CPM: variants seen among roughly 807,000 people sequenced by gnomAD.
CPM encodes the protein renal carboxypeptidase.
CPM carries 35 observed loss-of-function variants against 46.4 expected under a neutral mutation model. The ratio of observed to expected loss-of-function variants is 0.75; its 90% confidence interval spans 0.58 to 1.00. The LOEUF (loss-of-function observed/expected upper bound fraction) is 1.00, where lower values mean the gene tolerates loss of function less well. Among genes scored for constraint, CPM ranks in the 50% least tolerant of loss-of-function variants. The probability of loss-of-function intolerance (pLI) is 0.00; values close to 1 mark genes in which losing one functional copy is unlikely to be tolerated. For missense variants in CPM, 422 were observed against 530.4 expected, an observed-to-expected ratio of 0.80 and a Z score of 2.01; for synonymous variants, 195 against 195.3, an observed-to-expected ratio of 1.00 and a Z score of 0.01.
intron 7 of CPM, among the ~76,000 whole-genome samples, chr12:68,861,647 G>A (rs1247186049): frequency 1.3e-5 from 2 of 151,622 alleles, no homozygotes; most frequent in Non-Finnish European, 2.9e-5. Flanking sequence ...TCCTGCCTCA[G>A]CCTCCTAAGT....
chr12:68,923,216 T>C (rs146095183), intron 2 of CPM, among the ~76,000 whole-genome samples: 1,927 of 140,708 alleles, frequency 0.014, 22 homozygotes, highest in Middle Eastern at 0.03. Flanking sequence ...TGTGTGTGTT[T>C]TGAGTAATTT....
At chr12:68,910,625 C>T (rs1268259732) in intron 2 of CPM, among the ~76,000 whole-genome samples, 1 of 152,122 alleles carries the variant, frequency 6.6e-6, no homozygotes, top group Non-Finnish European at 1.5e-5. Flanking sequence ...GTATACAAGT[C>T]ACTAGTTTCT....
chr12:68,932,656 G>A (rs1380474227), intron 2 of CPM, 22 bp downstream of exon 2: 3 of 1,611,932 alleles, frequency 1.9e-6, no homozygotes, highest in East Asian at 4.5e-5. Flanking sequence ...GTTTGGCAAA[G>A]TGTTCACGAG....
At chr12:68,938,410 A>G (rs565656898) in intron 1 of CPM, among the ~76,000 whole-genome samples, 15 of 151,438 alleles carry the variant, frequency 9.9e-5, no homozygotes, top group Admixed American at 5.3e-4. Context: ...AAAAAAAAAA[A>G]TCCCCAAACC....
intron 2 of CPM, among the ~76,000 whole-genome samples, chr12:68,930,409 T>C (rs1174333774): frequency 2.0e-5 from 3 of 152,208 alleles, no homozygotes; most frequent in Admixed American, 2.0e-4. Flanking sequence ...AGCAAACTTA[T>C]CTTACATCAG....
chr12:68,848,727 G>C (rs946248206), downstream of CPM: 1 of 151,524 alleles, frequency 6.6e-6, no homozygotes, highest in Non-Finnish European at 1.5e-5. Context: ...TTGTTTTTTT[G>C]GGGGGGACGA....
intron 3 of CPM, among the ~76,000 whole-genome samples, chr12:68,880,147 A>G (rs1325812107): frequency 6.6e-6 from 1 of 152,204 alleles, no homozygotes; most frequent in African/African-American, 2.4e-5. Flanking sequence ...AGTGATGCCA[A>G]TTAGGAGCTT....
chr12:68,919,301 G>A (rs1887939101), intron 2 of CPM, among the ~76,000 whole-genome samples: 1 of 152,194 alleles, frequency 6.6e-6, no homozygotes. Context: ...CACAGTAACT[G>A]TCACTCTCCA....
intron 5 of CPM, 43 bp from the exon 6 acceptor site, chr12:68,869,538 A>G: frequency 1.3e-6 from 2 of 1,546,070 alleles, no homozygotes; most frequent in Non-Finnish European, 1.7e-6. Flanking sequence ...CTGACTTGAG[A>G]GTAAGAGGAA....
At chr12:68,962,548 G>C (rs1030102195) in intron 1 of CPM, among the ~76,000 whole-genome samples, 1 of 152,044 alleles carries the variant, frequency 6.6e-6, no homozygotes, top group Admixed American at 6.6e-5. Context: ...CTTTTCATCC[G>C]CCTTTCTTGT....
chr12:68,905,795 C>T (rs1053676565), intron 2 of CPM, among the ~76,000 whole-genome samples: 4 of 152,016 alleles, frequency 2.6e-5, no homozygotes, highest in Admixed American at 6.6e-5. Context: ...CAAATAGAAG[C>T]GATGTCTTGG....
chr12:68,873,660 C>T (rs1242277331), intron 3 of CPM, among the ~76,000 whole-genome samples: 1 of 143,792 alleles, frequency 7.0e-6, no homozygotes, highest in African/African-American at 2.6e-5. Context: ...AGAGTGAGAC[C>T]CTGTCTCAAA....
At chr12:68,844,812 G>C (rs1592611124) in intron 5 of CPM, 1 of 200,702 alleles carries the variant, frequency 5.0e-6, no homozygotes, top group East Asian at 7.7e-5. Flanking sequence ...TGTGGCTCAG[G>C]CTGGAGTACA....
chr12:68,955,168 A>G (rs1389647169), intron 1 of CPM, among the ~76,000 whole-genome samples: 1 of 152,212 alleles, frequency 6.6e-6, no homozygotes, highest in African/African-American at 2.4e-5. Context: ...AGGCCCGAGT[A>G]AAACTCAGGC....
In CPM at chr12:68,867,056, CA is replaced by C. The variant is rs1414832411; in HGVS notation, c.788-9del. The C allele has an allele frequency of 6.2e-7, 1 of 1,613,272 alleles. No homozygotes were observed. The highest frequency in any genetic ancestry group is 1.3e-5 in the African/African-American group (1 of 74,914). On this transcript the variant is annotated splice_polypyrimidine_tract_variant and intron_variant, in intron 6 of 8. Transcript: ENST00000551568. Reference sequence around the variant, plus strand: ...TGTAATCTTGCATTCCACCTAAACACAAGCATATTTAATTTTTGTTAGGGTC... The same window carrying C: ...TGTAATCTTGCATTCCACCTAAACACAGCATATTTAATTTTTGTTAGGGTC...
chr12:68,850,896 A>G (rs1181632791), downstream of CPM, among the ~76,000 whole-genome samples: 1 of 152,144 alleles, frequency 6.6e-6, no homozygotes, highest in Non-Finnish European at 1.5e-5. Flanking sequence ...CAGAAGGCAT[A>G]CTTTCCATCC....
At chr12:68,908,926 A>G (rs562677308) in intron 2 of CPM, among the ~76,000 whole-genome samples, 1 of 152,368 alleles carries the variant, frequency 6.6e-6, no homozygotes, top group African/African-American at 2.4e-5. Flanking sequence ...AGGAAATAGA[A>G]ATGACCAATA....
intron 1 of CPM, among the ~76,000 whole-genome samples, chr12:68,938,295 A>G (rs1282909537): frequency 1.3e-5 from 2 of 151,758 alleles, no homozygotes; most frequent in African/African-American, 4.9e-5. Flanking sequence ...CCAGCTACTG[A>G]GGAGGCTGGG....
intron 2 of CPM, among the ~76,000 whole-genome samples, chr12:68,902,672 A>C (rs1276264303): frequency 6.6e-6 from 1 of 152,198 alleles, no homozygotes; most frequent in Non-Finnish European, 1.5e-5. Flanking sequence ...TTATCATTTA[A>C]TCCTCAACAG....
Sources: gnomAD v4.1 joint callset for allele counts (sites outside exome capture counted in the v4.1 genomes callset) on GRCh38, gnomAD v4.1.1 for gene constraint, MANE v1.5 for transcripts, NCBI Gene and HGNC (gene_info 2026-07-23, HGNC 2026-07-21) for gene names.